FAM193A: variants seen among roughly 807,000 people sequenced by gnomAD.
FAM193A encodes protein FAM193A.
A neutral mutation model predicts 126.5 loss-of-function variants in FAM193A; 22 were observed. That is an observed-to-expected ratio of 0.17 (90% CI 0.12 to 0.25). The LOEUF (loss-of-function observed/expected upper bound fraction) is 0.25. Ranked by LOEUF, FAM193A falls within the 10% of genes least tolerant of loss-of-function variation. The pLI is 1.00. For synonymous variants in FAM193A, 761 were observed against 646.8 expected, an observed-to-expected ratio of 1.18 and a Z score of -2.68; for missense variants, 1,675 against 1,672.8, an observed-to-expected ratio of 1.00 and a Z score of -0.02.
chr4:2,639,694 T>A lies in FAM193A; in HGVS notation c.1039-41T>A, dbSNP rs772096864. ...TGGGAATTTTCTAGTCTTTAGCAAT[T>A]CACTACATCTTCTGTTTATCTTTTA... On this transcript the variant is annotated intron_variant, in intron 5 of 20. Transcript: ENST00000637812. The A allele has an allele frequency of 6.4e-6, 10 of 1,573,380 alleles. No homozygotes were observed. The African/African-American group carries it at 1.4e-4, about 21-fold the overall frequency.
chr4:2,612,665 CTATT>C (rs1236654688), intron 2 of FAM193A, among the ~76,000 whole-genome samples: 1 of 152,082 alleles, frequency 6.6e-6, no homozygotes, highest in African/African-American at 2.4e-5. Flanking sequence ...TTGTTCAGAA[CTATT>C]TATTGAAAAG....
intron 2 of FAM193A, among the ~76,000 whole-genome samples, chr4:2,625,002 C>T (rs1040658041): frequency 1.6e-4 from 25 of 152,250 alleles, no homozygotes; most frequent in East Asian, 3.9e-4. Flanking sequence ...GGACTACAGG[C>T]GGGCACCAAC....
chr4:2,672,180 G>C lies in FAM193A; in HGVS notation c.2139G>C (p.Leu713=). ...TTTGTAAGCAGGAAGCTTCTGGACT[G>C]ACACCATCTGCAATGACAGCCGGAG... The part of the protein sequence containing the change: ...CHVCKQEASG[L]TPSAMTAGAL... Residue 713 remains leucine, a synonymous_variant, in exon 13 of 21, where the codon CTG becomes CTC. Transcript: ENST00000637812. 1 of 1,614,188 alleles carries C rather than the reference G, an allele frequency of 6.2e-7. No homozygotes were observed. The highest frequency in any genetic ancestry group is 8.5e-7 in the Non-Finnish European group (1 of 1,180,040).
intron 5 of FAM193A, 36 bp downstream of exon 5, chr4:2,631,205 T>A (rs778146547): frequency 1.3e-6 from 2 of 1,568,276 alleles, no homozygotes; most frequent in African/African-American, 2.7e-5. Context: ...TCTGTTTGGA[T>A]GAGCTGAAGA....
At chr4:2,647,291 A>G in intron 7 of FAM193A, among the ~76,000 whole-genome samples, 1 of 151,972 alleles carries the variant, frequency 6.6e-6, no homozygotes, top group East Asian at 1.9e-4. Flanking sequence ...GATTACAGGC[A>G]TGCACCAACC....
At chr4:2,571,377 G>A (rs1209301510) in intron 1 of FAM193A, among the ~76,000 whole-genome samples, 1 of 152,148 alleles carries the variant, frequency 6.6e-6, no homozygotes, top group Non-Finnish European at 1.5e-5. Context: ...TCGGAGACTG[G>A]TACTTGTTGG....
chr4:2,572,299 A>G (rs1396023451), intron 1 of FAM193A, among the ~76,000 whole-genome samples: 2 of 150,190 alleles, frequency 1.3e-5, no homozygotes, highest in Admixed American at 6.6e-5. Flanking sequence ...ACTGGACTGC[A>G]GCCTAGGCGA....
chr4:2,700,200 C>G lies in FAM193A; in HGVS notation c.4028C>G (p.Thr1343Ser). ...AATGGCAAGCAGAAGCTGAGGCAGA[C>G]CAGCAAGGCCAGCAGCGAGCCAGCG... ...EGNGKQKLRQ[T>S]SKASSEPARR... The change falls in exon 19 of 21, where the codon ACC becomes AGC. Residue 1343 changes from threonine (T) to serine (S), a missense_variant. Transcript: ENST00000637812. 6.2e-7 allele frequency: 1 copy of G among 1,613,910 alleles called. No homozygotes were observed. Among genetic ancestry groups the G allele is most frequent in the Non-Finnish European group, 8.5e-7 (1 of 1,180,004 alleles).
At chr4:2,731,352 T>A (rs1721368781) in intron 20 of FAM193A, among the ~76,000 whole-genome samples, 2 of 150,158 alleles carry the variant, frequency 1.3e-5, no homozygotes, top group South Asian at 4.2e-4. Context: ...GGCAAGAGAG[T>A]GAGACCCTGT....
intron 5 of FAM193A, among the ~76,000 whole-genome samples, chr4:2,635,876 C>G (rs1744036470): frequency 6.6e-6 from 1 of 152,130 alleles, no homozygotes; most frequent in Non-Finnish European, 1.5e-5. Context: ...TCACACCTCT[C>G]CAGATCTCTC....
chr4:2,627,159 CTT>C (rs11385994), intron 4 of FAM193A, among the ~76,000 whole-genome samples: 12 of 126,264 alleles, frequency 9.5e-5, no homozygotes, highest in African/African-American at 1.2e-4. Flanking sequence ...TTTGATGTAA[CTT>C]TTTTTTTTTT....
chr4:2,623,198 G>A (rs1742659166), intron 2 of FAM193A, among the ~76,000 whole-genome samples: 1 of 151,038 alleles, frequency 6.6e-6, no homozygotes, highest in Non-Finnish European at 1.5e-5. Context: ...TTGAGACGGA[G>A]TCTTGCTTTG....
intron 6 of FAM193A, among the ~76,000 whole-genome samples, chr4:2,644,553 T>G (rs1272349809): frequency 6.6e-6 from 1 of 152,156 alleles, no homozygotes; most frequent in Non-Finnish European, 1.5e-5. Flanking sequence ...GAAACAGCCT[T>G]AGGAGAACAG....
intron 2 of FAM193A, among the ~76,000 whole-genome samples, chr4:2,619,727 C>A (rs1459580798): frequency 6.6e-6 from 1 of 151,910 alleles, no homozygotes; most frequent in Non-Finnish European, 1.5e-5. Context: ...TCTCTGTCAC[C>A]CAGGCTGGAG....
intron 20 of FAM193A, among the ~76,000 whole-genome samples, chr4:2,725,256 T>C (rs1185604243): frequency 6.6e-6 from 1 of 151,786 alleles, no homozygotes; most frequent in Admixed American, 6.6e-5. Context: ...GGTGCTTGCC[T>C]GGGCAACACA....
At chr4:2,638,828 C>G (rs972164394) in intron 5 of FAM193A, among the ~76,000 whole-genome samples, 1 of 152,226 alleles carries the variant, frequency 6.6e-6, no homozygotes, top group African/African-American at 2.4e-5. Context: ...TCTCCATCAA[C>G]TCAGCTTGGC....
chr4:2,728,372 C>T (rs1248220524), intron 20 of FAM193A, among the ~76,000 whole-genome samples: 8 of 151,096 alleles, frequency 5.3e-5, no homozygotes, highest in Admixed American at 3.3e-4. Flanking sequence ...CCCAGCCCAA[C>T]CCCACAGGTT....
At chr4:2,719,462 TTGG>T (rs1403412001) in intron 20 of FAM193A, among the ~76,000 whole-genome samples, 2 of 152,192 alleles carry the variant, frequency 1.3e-5, no homozygotes, top group African/African-American at 4.8e-5. Flanking sequence ...ATCCACTTTA[TTGG>T]CCAAGCGTGG....
At chr4:2,609,701 G>A (rs1314251807) in intron 2 of FAM193A, among the ~76,000 whole-genome samples, 5 of 151,296 alleles carry the variant, frequency 3.3e-5, no homozygotes, top group African/African-American at 9.7e-5. Context: ...AGGCCGAGGC[G>A]GGTGGATCAT....
Sources: allele counts gnomAD v4.1 joint callset (sites outside exome capture counted in the v4.1 genomes callset), GRCh38; gene constraint gnomAD v4.1.1; transcripts MANE v1.5; gene names NCBI Gene and HGNC (gene_info 2026-07-23, HGNC 2026-07-21).